Variants in ACBD6 observed in about 807,000 individuals in gnomAD.
ACBD6 encodes the protein acyl-CoA-binding domain-containing protein 6.
In ACBD6, 28 loss-of-function variants were observed where a neutral mutation model predicts 37.2. The observed-to-expected ratio is 0.75, with a 90% CI of 0.56 to 1.03. ACBD6 has a LOEUF of 1.03. Among genes scored for constraint, ACBD6 ranks in the 50% least tolerant of loss-of-function variants. The pLI is 0.00. For missense variants in ACBD6, 340 were observed against 337.4 expected, an observed-to-expected ratio of 1.01 and a Z score of -0.06; for synonymous variants, 113 against 126.8, an observed-to-expected ratio of 0.89 and a Z score of 0.73.
At chr1:180,271,478 C>T in exon 14 of ACBD6, 2 of 1,614,160 alleles carry the variant, frequency 1.2e-6, no homozygotes, top group South Asian at 1.1e-5. Context: ...CAAGCCTGCC[C>T]GGCACGTGAG....
chr1:180,397,599 C>T lies in ACBD6; in HGVS notation c.580G>A (p.Ala194Thr), dbSNP rs1407852888. ...CGATCACAGGCCCAGTGAAGTAGAG[C>T]CCTACCCTAAAAACACAGAAGATAA... ...DVNVKDEEGR[A>T]LLHWACDRGH... Residue 194 changes from alanine (A) to threonine (T), a missense_variant, in exon 6 of 8, where the codon GCT (alanine) becomes ACT (threonine). Physicochemically the swap from Ala to Thr is moderately conservative, Grantham distance 58. Coordinates refer to ENST00000367595, the MANE Select transcript of ACBD6 (RefSeq NM_032360.4). The T allele has an allele frequency of 1.9e-6, 3 of 1,613,408 alleles. No individual in the cohort carries two copies. Among genetic ancestry groups the T allele is most frequent in the Non-Finnish European group, 2.5e-6 (3 of 1,179,394 alleles).
Position 180,495,514 on chromosome 1 carries a change from T to C in ACBD6, c.234A>G (p.Gly78=). 1 of 1,610,736 alleles carries C rather than the reference T, an allele frequency of 6.2e-7. No homozygotes were observed. The highest frequency in any genetic ancestry group is 8.5e-7 in the Non-Finnish European group (1 of 1,177,976). The change falls in exon 2 of 8, where the codon GGA becomes GGG. Residue 78 remains glycine, a synonymous_variant. Transcript: ENST00000367595. ...AGCTTGGTTTAGGAGTATTACAATT[T>C]CCAACTTTGACCTAAATGAGGGAAG... ...LYARYKQVKV[G]NCNTPKPSFF...
intron 6 of ACBD6, among the ~76,000 whole-genome samples, chr1:180,340,688 TGAGCAGGATGA>T (rs1469657556): frequency 6.6e-6 from 1 of 151,836 alleles, no homozygotes; most frequent in Non-Finnish European, 1.5e-5. Flanking sequence ...GTAAGATCCT[TGAGCAGGATGA>T]GATATAGTAC....
chr1:180,417,126 AG>A (rs1648131044), intron 4 of ACBD6, among the ~76,000 whole-genome samples: 1 of 152,218 alleles, frequency 6.6e-6, no homozygotes, highest in African/African-American at 2.4e-5. Flanking sequence ...TGTGGGCTCT[AG>A]GGTACATAAA....
chr1:180,366,445 T>C (rs1449397789), intron 6 of ACBD6, among the ~76,000 whole-genome samples: 1 of 152,192 alleles, frequency 6.6e-6, no homozygotes, highest in Admixed American at 6.5e-5. Context: ...TTCTGGTTAA[T>C]AGCAGTACCA....
chr1:180,413,491 G>A lies in ACBD6; in HGVS notation c.468-20C>T. The A allele has an allele frequency of 6.5e-7, 1 of 1,544,478 alleles. No individual in the cohort carries two copies. The highest frequency in any genetic ancestry group is 8.9e-7 in the Non-Finnish European group (1 of 1,121,168). ...TCTTCCCTAGAATAAAAAAAAGAAAGGTCTTTTTTTACTGGGTAATACATT... is the reference window on the plus strand; with the variant it reads ...TCTTCCCTAGAATAAAAAAAAGAAAAGTCTTTTTTTACTGGGTAATACATT... On this transcript the variant is annotated intron_variant, in intron 4 of 7. Coordinates refer to ENST00000367595, the MANE Select transcript of ACBD6 (RefSeq NM_032360.4).
At chr1:180,415,589 T>C (rs1311502835) in intron 4 of ACBD6, among the ~76,000 whole-genome samples, 1 of 152,168 alleles carries the variant, frequency 6.6e-6, no homozygotes, top group East Asian at 1.9e-4. Context: ...AATACTACAG[T>C]GCTACTCGCC....
At chr1:180,302,645 C>T (rs1558240590) in intron 7 of ACBD6, among the ~76,000 whole-genome samples, 1 of 151,758 alleles carries the variant, frequency 6.6e-6, no homozygotes, top group Non-Finnish European at 1.5e-5. Flanking sequence ...GACTCCCACA[C>T]AATAATAATG....
chr1:180,443,665 T>C (rs1003440905), intron 3 of ACBD6, among the ~76,000 whole-genome samples: 2 of 152,054 alleles, frequency 1.3e-5, no homozygotes, highest in Non-Finnish European at 2.9e-5. Flanking sequence ...CAGGCTGGAG[T>C]GCAGTGGTGC....
intron 3 of ACBD6, among the ~76,000 whole-genome samples, chr1:180,434,241 G>T (rs762698033): frequency 1.3e-4 from 20 of 152,128 alleles, no homozygotes; most frequent in Non-Finnish European, 2.2e-4. Flanking sequence ...AAGACTCTTT[G>T]TATCAATAAG....
intron 7 of ACBD6, among the ~76,000 whole-genome samples, chr1:180,298,120 G>C (rs1649994180): frequency 6.6e-6 from 1 of 152,128 alleles, no homozygotes; most frequent in African/African-American, 2.4e-5. Context: ...TACCAAATTG[G>C]ATTAAAATGA....
intron 3 of ACBD6, among the ~76,000 whole-genome samples, chr1:180,479,901 A>T (rs1204972617): frequency 6.6e-6 from 1 of 152,092 alleles, no homozygotes; most frequent in African/African-American, 2.4e-5. Flanking sequence ...AGGTGGGAGG[A>T]TGGCTTGAGC....
rs147395072 is a variant in ACBD6, at chr1:180,337,059, G to A, written c.664-22337C>T. ...AGTCCAGGACCAGACATTCACAGCC[G>A]AATTCCACCAGAGGTACAAGGAGGA... On this transcript the variant is annotated intron_variant, in intron 6 of 7. Transcript: ENST00000367595. 5.9e-4 allele frequency among the ~76,000 whole-genome samples: 90 copies of A among 152,240 alleles called. 1 individual carries two copies. The East Asian group carries it at 0.014, about 24-fold the overall frequency.
intron 6 of ACBD6, among the ~76,000 whole-genome samples, chr1:180,388,130 C>T (rs932694557): frequency 1.3e-5 from 2 of 149,622 alleles, no homozygotes; most frequent in Admixed American, 6.7e-5. Context: ...GAGCCAAGAT[C>T]GCGCCACGGC....
At chr1:180,454,851 A>G (rs2102032637) in intron 3 of ACBD6, among the ~76,000 whole-genome samples, 1 of 152,382 alleles carries the variant, frequency 6.6e-6, no homozygotes, top group East Asian at 1.9e-4. Flanking sequence ...AATGGTGATC[A>G]TTAAAAAGTC....
chr1:180,470,397 G>T (rs1260036079), intron 3 of ACBD6, among the ~76,000 whole-genome samples: 2 of 152,110 alleles, frequency 1.3e-5, no homozygotes, highest in East Asian at 3.8e-4. Context: ...TTACAACCAT[G>T]TACCAGAATC....
intron 6 of ACBD6, among the ~76,000 whole-genome samples, chr1:180,371,418 T>C (rs1653259231): frequency 6.6e-6 from 1 of 152,172 alleles, no homozygotes; most frequent in Admixed American, 6.5e-5. Context: ...GGCAGGTAGA[T>C]ACAGAGTTTA....
intron 6 of ACBD6, among the ~76,000 whole-genome samples, chr1:180,344,038 G>C (rs537493669): frequency 1.2e-4 from 19 of 152,310 alleles, no homozygotes; most frequent in Middle Eastern, 3.4e-3. Flanking sequence ...ATTGTGACCA[G>C]TTGGCTCTGT....
At chr1:180,369,755 C>A (rs1285859241) in intron 6 of ACBD6, among the ~76,000 whole-genome samples, 1 of 152,164 alleles carries the variant, frequency 6.6e-6, no homozygotes, top group Non-Finnish European at 1.5e-5. Context: ...TAATGCATAA[C>A]CTTCATCTAA....
Sources: gnomAD v4.1 joint callset for allele counts (sites outside exome capture counted in the v4.1 genomes callset) on GRCh38, gnomAD v4.1.1 for gene constraint, MANE v1.5 for transcripts, NCBI Gene and HGNC (gene_info 2026-07-23, HGNC 2026-07-21) for gene names.